The following DNAJC21 variants were observed in gnomAD, a reference collection of about 807,000 sequenced individuals.
DNAJC21 encodes the protein DnaJ heat shock protein family (Hsp40) member C21, also known as dnaJ homolog subfamily C member 21.
A neutral mutation model predicts 72.4 loss-of-function variants in DNAJC21; 63 were observed. That is an observed-to-expected ratio of 0.87 (90% CI 0.71 to 1.07). The LOEUF is 1.07. Among genes scored for constraint, DNAJC21 ranks in the 50% least tolerant of loss-of-function variants. The probability of loss-of-function intolerance (pLI) is 0.00; values close to 1 mark genes in which losing one functional copy is unlikely to be tolerated. For missense variants in DNAJC21, 634 were observed against 644.8 expected, an observed-to-expected ratio of 0.98 and a Z score of 0.18; for synonymous variants, 203 against 216.7, an observed-to-expected ratio of 0.94 and a Z score of 0.56.
At chr5:34,938,529 C>T (rs186112972) in intron 5 of DNAJC21, among the ~76,000 whole-genome samples, 79 of 152,324 alleles carry the variant, frequency 5.2e-4, no homozygotes, top group African/African-American at 1.8e-3. Flanking sequence ...TTATTCACTT[C>T]TTAAGAATTC....
At chr5:34,951,949 G>GCAGAATGGC (rs1193379857) in intron 10 of DNAJC21, 7 of 985,348 alleles carry the variant, frequency 7.1e-6, no homozygotes, top group Non-Finnish European at 8.4e-6. Context: ...GAATTCAAGT[G>GCAGAATGGC]ACTTCTTCAC....
chr5:34,945,861 A>C, intron 9 of DNAJC21, 58 bp downstream of exon 9: 1 of 1,235,424 alleles, frequency 8.1e-7, no homozygotes, highest in Non-Finnish European at 1.1e-6. Context: ...CAGTGCTCTT[A>C]TTTATTCAGT....
At chr5:34,944,717 A>AT in intron 7 of DNAJC21, 150 bp from the exon 8 acceptor site, 1 of 1,163,014 alleles carries the variant, frequency 8.6e-7, no homozygotes, top group East Asian at 2.5e-5. Flanking sequence ...TCATGAACAA[A>AT]TAAAAAAAAA....
intron 10 of DNAJC21, chr5:34,951,564 G>C: frequency 1.0e-6 from 1 of 977,420 alleles, no homozygotes; most frequent in East Asian, 1.2e-4. Context: ...GTCTCGCTCT[G>C]TTGCCCAGGC....
chr5:34,953,684 T>A (rs1205460234), intron 10 of DNAJC21: 1 of 395,004 alleles, frequency 2.5e-6, no homozygotes, highest in Non-Finnish European at 4.5e-6. Context: ...TTTAACTTTG[T>A]TTCAACTGTT....
intron 10 of DNAJC21, chr5:34,951,751 C>CCTGACCT (rs1765374321): frequency 1.0e-6 from 1 of 953,098 alleles, no homozygotes; most frequent in African/African-American, 1.8e-5. Flanking sequence ...GTCTTGAACT[C>CCTGACCT]CTGACCTCAT....
intron 10 of DNAJC21, chr5:34,951,248 A>G: frequency 3.0e-6 from 3 of 985,464 alleles, no homozygotes; most frequent in Non-Finnish European, 3.6e-6. Context: ...GAAGCCTAGA[A>G]AGGGAAATTC....
At position 34,951,194 on chromosome 5, in the gene DNAJC21, A is replaced by G. The variant is rs1459432387; in HGVS notation, c.1358+852A>G. The G allele has an allele frequency of 3.0e-6, 3 of 985,468 alleles. No homozygotes were observed. The East Asian group carries it at 3.4e-4, about 112-fold the overall frequency. The allele number at this position is 985,468 out of a possible 1,614,324, so 61.0% of individuals were successfully genotyped here. A position where few individuals can be genotyped will look rare whatever the true frequency, so the allele number is the denominator to read the frequency against. ...TATAGAAAAAGGTATATAAAGAACT[A>G]CACAAACTGGTAATGTTGAAGCTTT... is the stretch of plus-strand genomic sequence containing the variant. On this transcript the variant is annotated intron_variant, in intron 10 of 11. Transcript: ENST00000648817.
At position 34,956,690 on chromosome 5, in the gene DNAJC21, A is replaced by C. The variant is rs972291911; in HGVS notation, c.*1976A>C. On this transcript the variant is annotated 3_prime_UTR_variant, in exon 12 of 12. Transcript: ENST00000648817. ...TCTTATACCAAACATGCAGGTATTT[A>C]ATTTGTTTAATGAGGGTTGAGTGGA... 1.3e-5 allele frequency: 2 copies of C among 152,166 alleles called. No individual in the cohort carries two copies. The highest frequency in any genetic ancestry group is 4.8e-5 in the African/African-American group (2 of 41,442). The allele number at this position is 152,166 out of a possible 1,614,324, so 9.4% of individuals were successfully genotyped here.
chr5:34,946,596 C>T (rs935154376), intron 9 of DNAJC21, among the ~76,000 whole-genome samples: 3 of 152,094 alleles, frequency 2.0e-5, no homozygotes, highest in Non-Finnish European at 4.4e-5. Flanking sequence ...ATATATGACA[C>T]ATGAGTTAAT....
chr5:34,944,164 C>CT (rs1478011630), intron 7 of DNAJC21, among the ~76,000 whole-genome samples: 3 of 152,126 alleles, frequency 2.0e-5, no homozygotes, highest in Admixed American at 1.3e-4. Context: ...TTTTAGTTGC[C>CT]TGTAGGTGTG....
Position 34,945,805 on chromosome 5 carries a change from T to A in DNAJC21, c.1185+2T>A. 1 of 1,579,556 alleles carries A rather than the reference T, an allele frequency of 6.3e-7. No individual in the cohort carries two copies. The highest frequency in any genetic ancestry group is 8.6e-7 in the Non-Finnish European group (1 of 1,166,166). On this transcript the variant is annotated splice_donor_variant, in intron 9 of 11. Coordinates refer to ENST00000648817, the MANE Select transcript of DNAJC21 (RefSeq NM_001012339.3). LOFTEE classifies it high-confidence loss of function. ...AAAAAGAAACAGAAACCAGCACAGG[T>A]ATGTTAGAAAGGTTTTGTTAACATT...
chr5:34,934,895 AT>A, intron 2 of DNAJC21, among the ~76,000 whole-genome samples: 1 of 152,344 alleles, frequency 6.6e-6, no homozygotes, highest in Middle Eastern at 3.4e-3. Context: ...GATCCTGAAC[AT>A]TTCTCTACTC....
chr5:34,943,799 A>G (rs183977057), intron 7 of DNAJC21, among the ~76,000 whole-genome samples: 3 of 152,184 alleles, frequency 2.0e-5, no homozygotes, highest in African/African-American at 7.2e-5. Context: ...CCATTTATCT[A>G]TTATCAGTTT....
At chr5:34,936,845 G>C (rs951075242) in intron 4 of DNAJC21, among the ~76,000 whole-genome samples, 1 of 152,168 alleles carries the variant, frequency 6.6e-6, no homozygotes, top group South Asian at 2.1e-4. Flanking sequence ...CAGCCTCCCG[G>C]GTTCAAGCGA....
At chr5:34,950,697 C>T (rs1336269655) in intron 10 of DNAJC21, 1 of 995,806 alleles carries the variant, frequency 1.0e-6, no homozygotes, top group African/African-American at 1.7e-5. Context: ...TGGAGTGTCA[C>T]TAAGCAAATC....
chr5:34,955,182 A>T lies in DNAJC21; in HGVS notation c.*468A>T, dbSNP rs1258849180. On this transcript the variant is annotated 3_prime_UTR_variant, in exon 12 of 12. Coordinates refer to ENST00000648817, the MANE Select transcript of DNAJC21 (RefSeq NM_001012339.3). ...TCCATATGACACTGGTTCCGATTTT[A>T]AAAATTATTTTTAAATAACCGATTA... 6.6e-6 allele frequency: 1 copy of T among 152,406 alleles called. No homozygotes were observed. Among genetic ancestry groups the T allele is most frequent in the Non-Finnish European group, 1.5e-5 (1 of 68,094 alleles). 9.4% of individuals were successfully genotyped at this position (152,406 alleles called of 1,614,324 possible).
chr5:34,949,951 G>A (rs1765304398), intron 9 of DNAJC21, among the ~76,000 whole-genome samples: 1 of 152,124 alleles, frequency 6.6e-6, no homozygotes, highest in Admixed American at 6.6e-5. Context: ...AAGCACTTCA[G>A]AATTTTTCTT....
chr5:34,954,667 A>G lies in DNAJC21; in HGVS notation c.1549A>G (p.Ser517Gly), dbSNP rs1181435391. Residue 517 changes from serine (S) to glycine (G), a missense_variant, in exon 12 of 12, where the codon AGC (serine) becomes GGC (glycine). Ser to Gly is a moderately conservative substitution (Grantham distance 56, BLOSUM62 0). Transcript: ENST00000648817. ...AGCACCTTCATCATCGTCTTTAAAC[A>G]GCGCAACAAGTAGTCAAAGCAAGAA... ...ARAPSSSSLNSATSSQSKKEK... is the reference protein window; with the variant it reads ...ARAPSSSSLNGATSSQSKKEK... 3 of 1,612,180 alleles carry G rather than the reference A, an allele frequency of 1.9e-6. No individual in the cohort carries two copies. The South Asian group carries it at 3.3e-5, about 18-fold the overall frequency.
Sources: allele counts gnomAD v4.1 joint callset (sites outside exome capture counted in the v4.1 genomes callset), GRCh38; gene constraint gnomAD v4.1.1; transcripts MANE v1.5; gene names NCBI Gene and HGNC (gene_info 2026-07-23, HGNC 2026-07-21).